ZNF497: variants seen among roughly 807,000 people sequenced by gnomAD.
ZNF497 encodes zinc finger protein 497.
For synonymous variants in ZNF497, 422 were observed against 313.7 expected (o/e 1.35, Z -3.65); for missense variants, 930 against 714.0 (o/e 1.30, Z -3.45).
chr19:58,358,962 C>T (rs1296327369), intron 1 of ZNF497: 3 of 464,356 alleles, frequency 6.5e-6, no homozygotes, highest in Admixed American at 4.7e-5. Flanking sequence ...GTGGCCTCCT[C>T]AGGGCTGCCT....
Position 58,356,260 on chromosome 19 carries a change from C to T in ZNF497, c.1376G>A (p.Ser459Asn). 1 of 1,571,492 alleles carries T rather than the reference C, an allele frequency of 6.4e-7. No homozygotes were observed. The highest frequency in any genetic ancestry group is 8.6e-7 in the Non-Finnish European group (1 of 1,157,704). The part of the protein sequence containing the change: ...KAFVRKSELL[S>N]HRRTHTGERP... Reference sequence around the variant, plus strand: ...CTCGCCCGTGTGCGTGCGCCGGTGGCTTAAGAGCTCCGACTTGCGCACGAA... The same window carrying T: ...CTCGCCCGTGTGCGTGCGCCGGTGGTTTAAGAGCTCCGACTTGCGCACGAA... Residue 459 changes from serine (S) to asparagine (N), a missense_variant, in exon 3 of 3, where the codon AGC (serine) becomes AAC (asparagine). Coordinates refer to ENST00000311044, the MANE Select transcript of ZNF497 (RefSeq NM_198458.3).
chr19:58,356,654 G>A lies in ZNF497; in HGVS notation c.982C>T (p.Arg328Trp). Residue 328 changes from arginine to tryptophan, a missense_variant, in exon 3 of 3, where the codon CGG becomes TGG. Physicochemically the swap from Arg to Trp is moderately radical, Grantham distance 101 (BLOSUM62 -3). Transcript: ENST00000311044. Reference protein sequence around the residue: ...LQHQRTHTGERPFECAECGQA... With the variant: ...LQHQRTHTGEWPFECAECGQA... The stretch of plus-strand genomic sequence containing the variant: ...CCGCACTCGGCGCACTCGAAGGGCC[G>A]CTCACCAGTGTGCGTGCGCTGGTGC... 6.5e-7 allele frequency: 1 copy of A among 1,538,722 alleles called. No homozygotes were observed. The highest frequency in any genetic ancestry group is 8.7e-7 in the Non-Finnish European group (1 of 1,148,568).
intron 1 of ZNF497, among the ~76,000 whole-genome samples, chr19:58,361,734 G>T (rs1418249076): frequency 1.3e-5 from 2 of 152,130 alleles, no homozygotes; most frequent in African/African-American, 4.8e-5. Flanking sequence ...TACTGCATGT[G>T]AATTTATAAT....
Position 58,356,463 on chromosome 19 carries a change from G to C in ZNF497, c.1173C>G (p.Cys391Trp), listed in dbSNP as rs900215116. Residue 391 changes from cysteine to tryptophan, a missense_variant, in exon 3 of 3, where the codon TGC becomes TGG. Cys to Trp is a radical substitution (Grantham distance 215). Transcript: ENST00000311044. ...SGAKPFACAD[C>W]GKAFRGSSGL... ...CGGAACTGCCGCGGAAGGCCTTGCC[G>C]CAGTCGGCGCAGGCGAAGGGCTTGG... The C allele has an allele frequency of 6.4e-7, 1 of 1,552,982 alleles. No individual in the cohort carries two copies. The highest frequency in any genetic ancestry group is 1.9e-5 in the Admixed American group (1 of 52,768).
rs1474618661 is a variant in ZNF497 at position 58,357,655 on chromosome 19, A to G, written c.-14-6T>C. The G allele has an allele frequency of 1.7e-5, 26 of 1,513,804 alleles. No homozygotes were observed. Among genetic ancestry groups the G allele is most frequent in the Non-Finnish European group, 2.3e-5 (26 of 1,132,766 alleles). 93.8% of individuals were successfully genotyped at this position (1,513,804 alleles called of 1,614,324 possible). On this transcript the variant is annotated splice_region_variant and splice_polypyrimidine_tract_variant and intron_variant, in intron 2 of 2. Transcript: ENST00000311044. ...CTCCATCTCGCGCCTGTGACCTAAA[A>G]CAGGAGAGAAAAGGCAAGTACCTTA...
Position 58,357,649 on chromosome 19 carries a change from C to G in ZNF497, c.-14G>C. 5 of 1,515,642 alleles carry G rather than the reference C, an allele frequency of 3.3e-6. No individual in the cohort carries two copies. The highest frequency in any genetic ancestry group is 4.4e-6 in the Non-Finnish European group (5 of 1,133,570). The allele number at this position is 1,515,642 out of a possible 1,614,324, so 93.9% of individuals were successfully genotyped here. A position where few individuals can be genotyped will look rare whatever the true frequency, so the allele number is the denominator to read the frequency against. On this transcript the variant is annotated splice_region_variant and 5_prime_UTR_variant, in exon 3 of 3. Coordinates refer to ENST00000311044, the MANE Select transcript of ZNF497 (RefSeq NM_198458.3). ...TGGGGACTCCATCTCGCGCCTGTGACCTAAAACAGGAGAGAAAAGGCAAGT... is the reference window on the plus strand; with the variant it reads ...TGGGGACTCCATCTCGCGCCTGTGAGCTAAAACAGGAGAGAAAAGGCAAGT...
intron 1 of ZNF497, 193 bp downstream of exon 1, chr19:58,362,484 G>C (rs1273273951): frequency 6.6e-6 from 1 of 152,200 alleles, no homozygotes; most frequent in African/African-American, 2.4e-5. Flanking sequence ...AGCCATTTCC[G>C]TCCCGACCAC....
At chr19:58,357,756 C>A in intron 2 of ZNF497, 107 bp from the exon 3 acceptor site, 1 of 1,258,218 alleles carries the variant, frequency 7.9e-7, no homozygotes, top group Non-Finnish European at 1.1e-6. Context: ...CCACTCTTCT[C>A]CTCCAGGTCC....
rs1252368218 is a variant in ZNF497, at chr19:58,354,582, G to C, written c.*1557C>G. The stretch of plus-strand genomic sequence containing the variant: ...CCAGCTGGGCACTGCAGCGGCTCTG[G>C]CTTCTGCTGTGAGGGACGGGGAGCT... On this transcript the variant is annotated 3_prime_UTR_variant, in exon 3 of 3. Coordinates refer to ENST00000311044, the MANE Select transcript of ZNF497 (RefSeq NM_198458.3). 1 of 152,374 alleles carries C rather than the reference G, an allele frequency of 6.6e-6. No individual in the cohort carries two copies. The highest frequency in any genetic ancestry group is 1.5e-5 in the Non-Finnish European group (1 of 68,158). 9.4% of individuals were successfully genotyped at this position (152,374 alleles called of 1,614,324 possible). A position where few individuals can be genotyped will look rare whatever the true frequency, so the allele number is the denominator to read the frequency against.
intron 2 of ZNF497, 100 bp from the exon 3 acceptor site, chr19:58,357,749 C>T: frequency 7.8e-7 from 1 of 1,282,782 alleles, no homozygotes; most frequent in Non-Finnish European, 1.0e-6. Context: ...TCATCCCCCA[C>T]TCTTCTCCTC....
Position 58,357,665 on chromosome 19 carries a change from A to G in ZNF497, c.-14-16T>C. 2 of 1,512,266 alleles carry G rather than the reference A, an allele frequency of 1.3e-6. No individual in the cohort carries two copies. The highest frequency in any genetic ancestry group is 1.8e-6 in the Non-Finnish European group (2 of 1,132,148). 93.7% of individuals were successfully genotyped at this position (1,512,266 alleles called of 1,614,324 possible). On this transcript the variant is annotated splice_polypyrimidine_tract_variant and intron_variant, in intron 2 of 2. Coordinates refer to ENST00000311044, the MANE Select transcript of ZNF497 (RefSeq NM_198458.3). ...CGCCTGTGACCTAAAACAGGAGAGA[A>G]AAGGCAAGTACCTTAGAGAATACAA...
chr19:58,362,553 A>C (rs1257688831), intron 1 of ZNF497, 124 bp downstream of exon 1: 1 of 151,428 alleles, frequency 6.6e-6, no homozygotes, highest in Non-Finnish European at 1.5e-5. Context: ...GCGGAGGCCT[A>C]TCTCTCGGTG....
intron 1 of ZNF497, among the ~76,000 whole-genome samples, chr19:58,360,904 C>T (rs1325441596): frequency 1.3e-5 from 2 of 151,100 alleles, no homozygotes; most frequent in African/African-American, 2.4e-5. Context: ...GCCTCAGCCT[C>T]CCAAGTAGCT....
chr19:58,359,307 G>A (rs1348274883), intron 1 of ZNF497: 5 of 1,264,938 alleles, frequency 4.0e-6, no homozygotes, highest in Admixed American at 2.3e-5. Flanking sequence ...GCATGGCCCA[G>A]GGTACTTTCT....
chr19:58,356,753 T>A lies in ZNF497; in HGVS notation c.883A>T (p.Thr295Ser). 1 of 1,560,964 alleles carries A rather than the reference T, an allele frequency of 6.4e-7. No individual in the cohort carries two copies. Among genetic ancestry groups the A allele is most frequent in the Non-Finnish European group, 8.6e-7 (1 of 1,160,558 alleles). Residue 295 changes from threonine to serine, a missense_variant, in exon 3 of 3, where the codon ACG (threonine) becomes TCG (serine). Coordinates refer to ENST00000311044, the MANE Select transcript of ZNF497 (RefSeq NM_198458.3). ...GGGAAGGGCTTCTCGCTGCTGTGCGTGCGCCGGTGCTGCCGCAGCCCCGCC... is the reference window on the plus strand; with the variant it reads ...GGGAAGGGCTTCTCGCTGCTGTGCGAGCGCCGGTGCTGCCGCAGCCCCGCC... ...RVAGLRQHRRTHSSEKPFPCA... is the reference protein window; with the variant it reads ...RVAGLRQHRRSHSSEKPFPCA...
intron 1 of ZNF497, among the ~76,000 whole-genome samples, chr19:58,360,972 C>T (rs1167532920): frequency 6.6e-6 from 1 of 151,508 alleles, no homozygotes; most frequent in Non-Finnish European, 1.5e-5. Context: ...TTGGTAGAGC[C>T]GGGGTTTCAC....
chr19:58,356,610 G>A lies in ZNF497; in HGVS notation c.1026C>T (p.Gly342=). ...CGCGCCGGTGCTCCGCCAGGTAGGA[G>A]CCCATGACGAAAGCCTGGCCGCACT... ...CAECGQAFVM[G]SYLAEHRRVH... is the part of the protein sequence containing the mutation. Residue 342 remains glycine, a synonymous_variant, in exon 3 of 3, where the codon GGC becomes GGT. Transcript: ENST00000311044. 1.3e-6 allele frequency: 2 copies of A among 1,545,882 alleles called. No individual in the cohort carries two copies. Among genetic ancestry groups the A allele is most frequent in the Non-Finnish European group, 8.7e-7 (1 of 1,150,704 alleles).
At chr19:58,357,799 A>C in intron 2 of ZNF497, 150 bp from the exon 3 acceptor site, 3 of 1,199,474 alleles carry the variant, frequency 2.5e-6, no homozygotes, top group Non-Finnish European at 2.2e-6. Flanking sequence ...AGCCTGGAGC[A>C]GGAAGGCCAG....
chr19:58,361,367 C>CT (rs1328826944), intron 1 of ZNF497, among the ~76,000 whole-genome samples: 2 of 151,978 alleles, frequency 1.3e-5, no homozygotes, highest in East Asian at 1.9e-4. Context: ...TTTCTCTTCT[C>CT]TTTTTTTGAG....
Sources: allele counts gnomAD v4.1 joint callset (sites outside exome capture counted in the v4.1 genomes callset), GRCh38; gene constraint gnomAD v4.1.1; transcripts MANE v1.5; gene names NCBI Gene and HGNC (gene_info 2026-07-23, HGNC 2026-07-21).